ZFHX3: variants seen among roughly 807,000 people sequenced by gnomAD.
ZFHX3 encodes the protein zinc finger homeobox 3.
Under a neutral mutation model 279.1 loss-of-function variants are expected in ZFHX3, and 42 were observed. The observed-to-expected ratio is 0.15, with a 90% CI of 0.12 to 0.19. The LOEUF (loss-of-function observed/expected upper bound fraction) is 0.19. Among genes scored for constraint, ZFHX3 ranks in the 10% least tolerant of loss-of-function variants. ZFHX3 has a pLI of 1.00. For missense variants in ZFHX3, 4,981 were observed against 4,754.0 expected (o/e 1.05, Z -1.40); for synonymous variants, 2,293 against 1,957.8 (o/e 1.17, Z -4.52).
At chr16:73,836,130 G>A (rs1282521695) in intron 1 of ZFHX3, among the ~76,000 whole-genome samples, 2 of 152,158 alleles carry the variant, frequency 1.3e-5, no homozygotes, top group Admixed American at 1.3e-4. Context: ...GTAGCACTAG[G>A]AACTTTCTTT....
chr16:72,982,507 A>C (rs1962653330), intron 1 of ZFHX3, among the ~76,000 whole-genome samples: 1 of 152,210 alleles, frequency 6.6e-6, no homozygotes, highest in Admixed American at 6.5e-5. Context: ...CTTCCAAAAC[A>C]TGTATCATCT....
intron 2 of ZFHX3, among the ~76,000 whole-genome samples, chr16:73,625,472 G>A (rs191717097): frequency 3.4e-4 from 52 of 152,306 alleles, no homozygotes; most frequent in African/African-American, 1.2e-3. Flanking sequence ...GAATTAAGCC[G>A]TCATCCTGCA....
At chr16:73,888,194 A>C (rs971577334) in intron 1 of ZFHX3, among the ~76,000 whole-genome samples, 1 of 152,178 alleles carries the variant, frequency 6.6e-6, no homozygotes, top group East Asian at 1.9e-4. Context: ...GAATGAGTAA[A>C]ACTAGGTTAG....
At chr16:73,738,219 G>A (rs1404257507) in intron 1 of ZFHX3, among the ~76,000 whole-genome samples, 1 of 152,204 alleles carries the variant, frequency 6.6e-6, no homozygotes, top group Non-Finnish European at 1.5e-5. Flanking sequence ...GCTTTGTCTA[G>A]ATGCTGTGAA....
intron 4 of ZFHX3, among the ~76,000 whole-genome samples, chr16:72,832,333 G>A (rs1597287748): frequency 6.6e-6 from 1 of 152,246 alleles, no homozygotes; most frequent in South Asian, 2.1e-4. Context: ...ACTGCATGTT[G>A]CTTTGTGAAT....
intron 2 of ZFHX3, among the ~76,000 whole-genome samples, chr16:73,616,801 G>A (rs1435045593): frequency 2.0e-5 from 3 of 152,110 alleles, no homozygotes; most frequent in South Asian, 2.1e-4. Context: ...AACAACATGA[G>A]GCCTGAAGGT....
chr16:73,024,791 T>G (rs988813758), intron 1 of ZFHX3, among the ~76,000 whole-genome samples: 2 of 152,140 alleles, frequency 1.3e-5, no homozygotes, highest in Admixed American at 6.5e-5. Flanking sequence ...GCCAGACACT[T>G]TGCAGAGAGA....
intron 1 of ZFHX3, chr16:73,796,323 C>T (rs921882095): frequency 2.0e-5 from 3 of 152,108 alleles, no homozygotes; most frequent in African/African-American, 7.2e-5. Flanking sequence ...ACTCTAGATG[C>T]CTGAACAGTA....
chr16:73,478,709 G>A (rs1026040633), intron 2 of ZFHX3, among the ~76,000 whole-genome samples: 1 of 152,104 alleles, frequency 6.6e-6, no homozygotes, highest in Non-Finnish European at 1.5e-5. Flanking sequence ...TGTCGTACAG[G>A]ATGATTGCAA....
intron 5 of ZFHX3, among the ~76,000 whole-genome samples, chr16:73,243,006 C>G (rs975275046): frequency 3.3e-5 from 5 of 152,156 alleles, no homozygotes; most frequent in Admixed American, 6.5e-5. Context: ...TGGGTCCTGA[C>G]AGTGAAAAGG....
intron 1 of ZFHX3, among the ~76,000 whole-genome samples, chr16:73,028,005 G>A (rs1044874804): frequency 6.6e-6 from 1 of 152,090 alleles, no homozygotes; most frequent in Non-Finnish European, 1.5e-5. Context: ...CAGAGTCAAG[G>A]GGAGCCAGCA....
At chr16:72,939,250 A>G (rs565036325) in intron 3 of ZFHX3, among the ~76,000 whole-genome samples, 26 of 152,200 alleles carry the variant, frequency 1.7e-4, no homozygotes, top group Non-Finnish European at 1.9e-4. Context: ...CCCCACCCCC[A>G]TCTCGAGGCA....
At chr16:72,999,916 A>C (rs1963432920) in intron 1 of ZFHX3, among the ~76,000 whole-genome samples, 1 of 152,244 alleles carries the variant, frequency 6.6e-6, no homozygotes, top group Non-Finnish European at 1.5e-5. Context: ...CTCTAAGAGC[A>C]GGGCAACCCG....
intron 1 of ZFHX3, among the ~76,000 whole-genome samples, chr16:73,723,226 C>A (rs1386976871): frequency 6.6e-6 from 1 of 152,000 alleles, no homozygotes; most frequent in Non-Finnish European, 1.5e-5. Context: ...ACAGGTGAAC[C>A]AAACTTGTAT....
intron 7 of ZFHX3, chr16:73,127,579 A>T (rs1258842593): frequency 7.7e-7 from 1 of 1,304,564 alleles, no homozygotes; most frequent in African/African-American, 1.5e-5. Context: ...GCACTTGAGG[A>T]CAGCCACTGA....
intron 5 of ZFHX3, among the ~76,000 whole-genome samples, chr16:73,243,907 A>T (rs1962610162): frequency 1.3e-5 from 2 of 152,242 alleles, no homozygotes; most frequent in South Asian, 4.1e-4. Flanking sequence ...CTGTCACTGA[A>T]GTGACATCAT....
chr16:73,819,762 T>G (rs1284318069), intron 1 of ZFHX3, among the ~76,000 whole-genome samples: 4 of 152,084 alleles, frequency 2.6e-5, no homozygotes, highest in Non-Finnish European at 5.9e-5. Flanking sequence ...GGCTCATAGG[T>G]AAGAAGAAAG....
chr16:73,717,251 T>C (rs1417989165), intron 1 of ZFHX3, among the ~76,000 whole-genome samples: 2 of 152,128 alleles, frequency 1.3e-5, no homozygotes, highest in African/African-American at 4.8e-5. Flanking sequence ...ATTTATTTGT[T>C]TGCTTATTTA....
intron 3 of ZFHX3, among the ~76,000 whole-genome samples, chr16:73,392,292 G>A (rs2017028853): frequency 6.6e-6 from 1 of 151,558 alleles, no homozygotes; most frequent in Non-Finnish European, 1.5e-5. Context: ...GTGGTGGGGT[G>A]TGCCTATAGC....
Sources: allele counts gnomAD v4.1 joint callset (sites outside exome capture counted in the v4.1 genomes callset), GRCh38; gene constraint gnomAD v4.1.1; transcripts MANE v1.5; gene names NCBI Gene and HGNC (gene_info 2026-07-23, HGNC 2026-07-21).